CFAP52: variants seen among roughly 807,000 people sequenced by gnomAD.
CFAP52 encodes the protein cilia and flagella associated protein 52.
A neutral mutation model predicts 70.5 loss-of-function variants in CFAP52; 57 were observed. The ratio of observed to expected loss-of-function variants is 0.81; its 90% CI spans 0.65 to 1.01. The LOEUF is 1.01. CFAP52 is among the 50% of genes least tolerant of loss of function. The probability of loss-of-function intolerance (pLI) is 0.00; values close to 1 mark genes in which losing one functional copy is unlikely to be tolerated. For synonymous variants in CFAP52, 267 were observed against 292.5 expected (o/e 0.91, Z 0.89); for missense variants, 785 against 788.5 (o/e 1.00, Z 0.05).
intron 8 of CFAP52, among the ~76,000 whole-genome samples, chr17:9,613,707 T>C (rs375819790): frequency 2.6e-5 from 4 of 151,956 alleles, no homozygotes; most frequent in African/African-American, 9.6e-5. Flanking sequence ...TTGGTAGAGA[T>C]GGGGTTTCAC....
At chr17:9,634,070 C>T (rs1341647278) in intron 10 of CFAP52, among the ~76,000 whole-genome samples, 1 of 152,124 alleles carries the variant, frequency 6.6e-6, no homozygotes, top group Admixed American at 6.5e-5. Flanking sequence ...TGATCATGCT[C>T]AACTTTTTCT....
intron 1 of CFAP52, 67 bp downstream of exon 1, chr17:9,576,832 A>C: frequency 6.6e-7 from 1 of 1,509,546 alleles, no homozygotes; most frequent in Non-Finnish European, 9.0e-7. Flanking sequence ...GCAAACAGGA[A>C]TAGTGAGACA....
chr17:9,625,627 C>A (rs1181560364), intron 8 of CFAP52, among the ~76,000 whole-genome samples: 3 of 152,014 alleles, frequency 2.0e-5, no homozygotes, highest in Non-Finnish European at 4.4e-5. Flanking sequence ...TCTACAGCCA[C>A]CATAGCTGTG....
chr17:9,636,689 C>T (rs1213762659), intron 11 of CFAP52, among the ~76,000 whole-genome samples: 2 of 152,002 alleles, frequency 1.3e-5, no homozygotes, highest in East Asian at 1.9e-4. Flanking sequence ...GAGGCACGCA[C>T]GACAAAGAAC....
intron 3 of CFAP52, among the ~76,000 whole-genome samples, chr17:9,591,569 T>C (rs916942646): frequency 3.9e-5 from 6 of 152,192 alleles, no homozygotes; most frequent in Non-Finnish European, 7.3e-5. Flanking sequence ...CTTTGTTTTA[T>C]CTATTTTTAA....
At chr17:9,596,867 C>G (rs1357805150) in intron 4 of CFAP52, among the ~76,000 whole-genome samples, 1 of 152,144 alleles carries the variant, frequency 6.6e-6, no homozygotes. Flanking sequence ...AGGTGCCCAC[C>G]ACCACGCCTG....
At chr17:9,592,258 T>A (rs978298821) in intron 3 of CFAP52, among the ~76,000 whole-genome samples, 1 of 150,846 alleles carries the variant, frequency 6.6e-6, no homozygotes, top group Admixed American at 6.6e-5. Context: ...AGGTCAGGAG[T>A]TCGAGAACAG....
chr17:9,615,429 T>C (rs1409665104), intron 8 of CFAP52, among the ~76,000 whole-genome samples: 2 of 152,222 alleles, frequency 1.3e-5, no homozygotes, highest in Non-Finnish European at 2.9e-5. Context: ...AGTCTTAGTC[T>C]TTTAATAGAA....
At chr17:9,645,466 G>T (rs1911296111), downstream of CFAP52, 2 of 575,612 alleles carry the variant, frequency 3.5e-6, no homozygotes, top group Non-Finnish European at 4.8e-6. The surrounding 1 kb of genome is among the most constrained non-coding windows in gnomAD (Gnocchi z 6.8). Context: ...CCGGATTCCC[G>T]CGCGGGGCGG....
intron 2 of CFAP52, 72 bp from the exon 3 acceptor site, chr17:9,586,626 C>T: frequency 1.4e-6 from 2 of 1,459,486 alleles, no homozygotes; most frequent in Non-Finnish European, 1.8e-6. Flanking sequence ...TGTTTTTCAC[C>T]AAGAAGGGTA....
At chr17:9,602,491 A>T (rs1275293507) in intron 6 of CFAP52, among the ~76,000 whole-genome samples, 1 of 152,136 alleles carries the variant, frequency 6.6e-6, no homozygotes, top group African/African-American at 2.4e-5. Context: ...TCCATGGTGT[A>T]TATGTGCCAC....
chr17:9,628,869 G>C, intron 9 of CFAP52, 49 bp downstream of exon 9: 1 of 1,610,478 alleles, frequency 6.2e-7, no homozygotes, highest in South Asian at 1.1e-5. Context: ...CTGCGGTTTT[G>C]ATTCTTGTCA....
intron 8 of CFAP52, among the ~76,000 whole-genome samples, chr17:9,622,572 A>AGAT (rs768716014): frequency 2.6e-5 from 4 of 151,740 alleles, no homozygotes; most frequent in Non-Finnish European, 4.4e-5. Context: ...AAGAAGAAGA[A>AGAT]GATGATGATG....
intron 10 of CFAP52, among the ~76,000 whole-genome samples, chr17:9,634,634 C>A (rs1252383333): frequency 1.3e-5 from 2 of 151,838 alleles, no homozygotes; most frequent in Non-Finnish European, 2.9e-5. Flanking sequence ...TGTGGTGGTG[C>A]ACTCCTGTAG....
intron 7 of CFAP52, among the ~76,000 whole-genome samples, chr17:9,609,034 A>C (rs1469015380): frequency 6.6e-6 from 1 of 152,170 alleles, no homozygotes; most frequent in Non-Finnish European, 1.5e-5. Context: ...CAGTTCACAG[A>C]GGGATGGGCT....
intron 3 of CFAP52, among the ~76,000 whole-genome samples, chr17:9,591,070 T>A (rs1170184236): frequency 9.1e-6 from 1 of 110,302 alleles, no homozygotes; most frequent in Non-Finnish European, 1.7e-5. Context: ...GGAGTTTCAC[T>A]CTTGTTTCCC....
chr17:9,607,215 G>A (rs11078808), intron 6 of CFAP52, among the ~76,000 whole-genome samples: 98,961 of 151,996 alleles, frequency 0.65, 33,798 homozygotes, highest in Admixed American at 0.75. Flanking sequence ...GCATGATGGC[G>A]CATGCCTATA....
At chr17:9,621,599 C>G (rs1910032923) in intron 8 of CFAP52, among the ~76,000 whole-genome samples, 1 of 6,882 alleles carries the variant, frequency 1.5e-4, no homozygotes, top group South Asian at 5.6e-3. Context: ...GACTTGGAAC[C>G]AACCCAAATG....
chr17:9,642,413 C>T (rs893201922), intron 13 of CFAP52, among the ~76,000 whole-genome samples: 3 of 152,128 alleles, frequency 2.0e-5, no homozygotes, highest in African/African-American at 7.2e-5. Context: ...CACCTGGGGT[C>T]AGGAGTTTGA....
Sources: gnomAD v4.1 joint callset for allele counts (sites outside exome capture counted in the v4.1 genomes callset) on GRCh38, gnomAD v4.1.1 for gene constraint, Gnocchi (gnomAD v3.1) non-coding constraint, MANE v1.5 for transcripts, NCBI Gene and HGNC (gene_info 2026-07-23, HGNC 2026-07-21) for gene names.